PDPN: variants seen among roughly 807,000 people sequenced by gnomAD.
PDPN encodes PA2.26 antigen.
PDPN carries 12 observed loss-of-function variants against 23.2 expected under a neutral mutation model. That is an observed-to-expected ratio of 0.52 (90% CI 0.33 to 0.84). PDPN has a LOEUF of 0.84. PDPN is among the 40% of genes least tolerant of loss of function. The pLI is 0.02. For synonymous variants in PDPN, 77 were observed against 76.7 expected (o/e 1.00, Z -0.02); for missense variants, 199 against 212.2 (o/e 0.94, Z 0.39).
rs770097929 is a variant in PDPN, at chr1:13,584,184, T to C, written c.67+84T>C. The C allele has an allele frequency of 7.8e-6, 12 of 1,548,338 alleles. No individual in the cohort carries two copies. In the East Asian group the frequency reaches 2.8e-4, roughly 36 times the overall value. Reference sequence around the variant, plus strand: ...TTGCTGGAATGCCCGGGCCTGGTATTCGAGGTTGTCCAGGGGAGCGCGGGG... The same window carrying C: ...TTGCTGGAATGCCCGGGCCTGGTATCCGAGGTTGTCCAGGGGAGCGCGGGG... On this transcript the variant is annotated intron_variant, in intron 1 of 5. Transcript: ENST00000621990.
chr1:13,597,116 A>G (rs926204121), intron 1 of PDPN, among the ~76,000 whole-genome samples: 14 of 152,202 alleles, frequency 9.2e-5, no homozygotes, highest in African/African-American at 1.2e-4. Flanking sequence ...CTTCAAAAGC[A>G]TAACTTTATC....
chr1:13,610,261 C>A, intron 2 of PDPN, 126 bp from the exon 3 acceptor site: 1 of 698,724 alleles, frequency 1.4e-6, no homozygotes, highest in Non-Finnish European at 2.4e-6. Flanking sequence ...TTTTCTTCTA[C>A]TTGCAATTCA....
chr1:13,610,474 C>T lies in PDPN; in HGVS notation c.289C>T (p.Pro97Ser). The T allele has an allele frequency of 6.2e-7, 1 of 1,613,994 alleles. No individual in the cohort carries two copies. The highest frequency in any genetic ancestry group is 8.5e-7 in the Non-Finnish European group (1 of 1,179,922). ...CACAGTCCACGCGCAAGAACAAAGTCCAAGCGCCACAGCCTCAAACGTGGC... is the reference window on the plus strand; with the variant it reads ...CACAGTCCACGCGCAAGAACAAAGTTCAAGCGCCACAGCCTCAAACGTGGC... ...ESTVHAQEQS[P>S]SATASNVATS... The change falls in exon 3 of 6, where the codon CCA (proline) becomes TCA (serine). Residue 97 changes from proline (P) to serine (S), a missense_variant. Transcript: ENST00000621990.
At chr1:13,615,873 GAC>G in intron 5 of PDPN, 30 bp from the exon 6 acceptor site, 1 of 1,607,602 alleles carries the variant, frequency 6.2e-7, no homozygotes, top group African/African-American at 1.3e-5. Context: ...GCCAGTAAGA[GAC>G]ACGACCGTCA....
intron 3 of PDPN, among the ~76,000 whole-genome samples, chr1:13,612,973 G>C (rs1381224379): frequency 2.7e-5 from 4 of 149,634 alleles, no homozygotes; most frequent in African/African-American, 9.7e-5. Context: ...GTTATATAAA[G>C]AGGTCAAGAA....
chr1:13,613,026 AT>A (rs1007982818), intron 3 of PDPN, among the ~76,000 whole-genome samples: 105 of 152,312 alleles, frequency 6.9e-4, no homozygotes, highest in African/African-American at 2.5e-3. Context: ...GCATAAAATT[AT>A]TCAAAAGAAA....
chr1:13,609,607 C>T (rs1640882164), intron 2 of PDPN, among the ~76,000 whole-genome samples: 1 of 152,204 alleles, frequency 6.6e-6, no homozygotes, highest in East Asian at 1.9e-4. Flanking sequence ...CCCCCAGCCC[C>T]TGGCAGCCAC....
In PDPN at chr1:13,616,672, C is replaced by T. The variant is rs1443046660; in HGVS notation, c.*761C>T. On this transcript the variant is annotated 3_prime_UTR_variant, in exon 6 of 6. Coordinates refer to ENST00000621990, the MANE Select transcript of PDPN (RefSeq NM_006474.5). Reference sequence around the variant, plus strand: ...AGCTTGCTCCCACCTGCCCCCTCCACTTCCCTCAGATGATGAGGAGCCAGG... The same window carrying T: ...AGCTTGCTCCCACCTGCCCCCTCCATTTCCCTCAGATGATGAGGAGCCAGG... 3 of 152,426 alleles carry T rather than the reference C, an allele frequency of 2.0e-5. No homozygotes were observed. Among genetic ancestry groups the T allele is most frequent in the African/African-American group, 7.2e-5 (3 of 41,470 alleles). The allele number at this position is 152,426 out of a possible 1,614,324, so 9.4% of individuals were successfully genotyped here.
At chr1:13,595,502 C>T (rs1640471430) in intron 1 of PDPN, among the ~76,000 whole-genome samples, 1 of 152,196 alleles carries the variant, frequency 6.6e-6, no homozygotes, top group Admixed American at 6.5e-5. Flanking sequence ...TGCAGACTGC[C>T]TCCCAGTTTG....
chr1:13,592,543 A>ATTTTTTTTTTTTTTTTT (rs34176163), intron 1 of PDPN, among the ~76,000 whole-genome samples: 1 of 105,080 alleles, frequency 9.5e-6, no homozygotes, highest in Admixed American at 1.0e-4. Flanking sequence ...TGAAAAGATG[A>ATTTTTTTTTTTTTTTTT]TTTTTTTTTT....
intron 1 of PDPN, among the ~76,000 whole-genome samples, chr1:13,594,196 C>T (rs1326171264): frequency 6.6e-6 from 1 of 152,194 alleles, no homozygotes; most frequent in East Asian, 1.9e-4. Context: ...CAGAATGGGG[C>T]CTTACCCTCA....
chr1:13,601,529 G>A (rs1224965607), intron 1 of PDPN, among the ~76,000 whole-genome samples: 2 of 152,142 alleles, frequency 1.3e-5, no homozygotes, highest in Non-Finnish European at 2.9e-5. Context: ...CTTAATTTTT[G>A]TATTTTTAGT....
At position 13,616,237 on chromosome 1, in the gene PDPN, A is replaced by C. The variant is rs1011822704; in HGVS notation, c.*326A>C. Reference sequence around the variant, plus strand: ...CACTGGACCATTGGATCGATATTATATGCTGTAACCATGTGTCTCCGTCTG... The same window carrying C: ...CACTGGACCATTGGATCGATATTATCTGCTGTAACCATGTGTCTCCGTCTG... On this transcript the variant is annotated 3_prime_UTR_variant, in exon 6 of 6. Transcript: ENST00000621990. 5.2e-6 allele frequency: 2 copies of C among 385,172 alleles called. No individual in the cohort carries two copies. The highest frequency in any genetic ancestry group is 4.3e-5 in the Admixed American group (1 of 22,990). 23.9% of individuals were successfully genotyped at this position (385,172 alleles called of 1,614,324 possible). A position where few individuals can be genotyped will look rare whatever the true frequency, so the allele number is the denominator to read the frequency against.
At chr1:13,594,952 G>A (rs143154928) in intron 1 of PDPN, among the ~76,000 whole-genome samples, 9,159 of 148,556 alleles carry the variant, frequency 0.062, 367 homozygotes, top group East Asian at 0.22. Flanking sequence ...CTGAGATTGC[G>A]CCACTGCACT....
chr1:13,604,789 A>C (rs1368106800), intron 1 of PDPN, among the ~76,000 whole-genome samples: 1 of 152,220 alleles, frequency 6.6e-6, no homozygotes, highest in Non-Finnish European at 1.5e-5. Context: ...TGTCTGGCAA[A>C]GGGATATTTC....
intron 3 of PDPN, among the ~76,000 whole-genome samples, chr1:13,611,412 G>T (rs1380550477): frequency 2.0e-5 from 3 of 152,026 alleles, no homozygotes; most frequent in Non-Finnish European, 4.4e-5. Flanking sequence ...AAATGAAAAT[G>T]CAGACACATA....
chr1:13,587,999 G>A (rs1004026624), intron 1 of PDPN, among the ~76,000 whole-genome samples: 1 of 152,146 alleles, frequency 6.6e-6, no homozygotes, highest in African/African-American at 2.4e-5. Context: ...AGATGGATTT[G>A]TCCTTTGAAG....
In PDPN at chr1:13,595,392, A is replaced by G. The variant is rs76875234; in HGVS notation, c.67+11292A>G. Among the ~76,000 whole-genome samples, 1,246 of 151,770 alleles carry G rather than the reference A, an allele frequency of 8.2e-3. 45 individuals are homozygous for G. In the East Asian group the frequency reaches 0.11, roughly 13 times the overall value. The stretch of plus-strand genomic sequence containing the variant: ...TTCATTGCCCAGTTCAGCTGCAGAA[A>G]CCCTCAAAGTGCTGCCCTCAACTTT... On this transcript the variant is annotated intron_variant, in intron 1 of 5. Coordinates refer to ENST00000621990, the MANE Select transcript of PDPN (RefSeq NM_006474.5).
intron 1 of PDPN, among the ~76,000 whole-genome samples, chr1:13,590,199 T>C (rs1192220933): frequency 6.6e-6 from 1 of 152,272 alleles, no homozygotes; most frequent in Non-Finnish European, 1.5e-5. Context: ...TACATAATGC[T>C]GATGATGTGT....
Sources: gnomAD v4.1 joint callset for allele counts (sites outside exome capture counted in the v4.1 genomes callset) on GRCh38, gnomAD v4.1.1 for gene constraint, MANE v1.5 for transcripts, NCBI Gene and HGNC (gene_info 2026-07-23, HGNC 2026-07-21) for gene names.